The following STXBP5L variants were observed in gnomAD, a reference collection of about 807,000 sequenced individuals.
The protein encoded by STXBP5L is syntaxin binding protein 5L.
STXBP5L carries 65 observed loss-of-function variants against 144.5 expected under a neutral mutation model. The observed-to-expected ratio is 0.45, with a 90% confidence interval of 0.37 to 0.55. The LOEUF (loss-of-function observed/expected upper bound fraction) is 0.55, where lower values mean the gene tolerates loss of function less well. Ranked by LOEUF, STXBP5L falls within the 20% of genes least tolerant of loss-of-function variation. The pLI, the probability that STXBP5L is intolerant of heterozygous loss-of-function variation, is 0.00. For missense variants in STXBP5L, 1,298 were observed against 1,405.5 expected, an observed-to-expected ratio of 0.92 and a Z score of 1.22; for synonymous variants, 505 against 469.6, an observed-to-expected ratio of 1.08 and a Z score of -0.97.
chr3:121,040,982 A>C (rs1280637022), intron 3 of STXBP5L, among the ~76,000 whole-genome samples: 1 of 152,154 alleles, frequency 6.6e-6, no homozygotes, highest in Non-Finnish European at 1.5e-5. Context: ...CAAACAAATG[A>C]TAAGTAAATA....
At chr3:121,048,659 G>GT (rs1947696770) in intron 5 of STXBP5L, among the ~76,000 whole-genome samples, 1 of 148,118 alleles carries the variant, frequency 6.8e-6, no homozygotes, top group African/African-American at 2.5e-5. Context: ...CTTGTAGTGT[G>GT]TTTTCCACTC....
chr3:121,204,179 C>A (rs1446519767), intron 9 of STXBP5L, among the ~76,000 whole-genome samples: 1 of 152,036 alleles, frequency 6.6e-6, no homozygotes, highest in African/African-American at 2.4e-5. Flanking sequence ...GCAGAGGTTG[C>A]AATGAGCCAA....
intron 3 of STXBP5L, among the ~76,000 whole-genome samples, chr3:120,965,981 A>G (rs1280875837): frequency 3.3e-5 from 5 of 149,966 alleles, no homozygotes; most frequent in South Asian, 4.3e-4. Flanking sequence ...GTTTCTTTTC[A>G]CTCTTTTTTT....
chr3:120,948,320 A>G (rs1205015889), intron 2 of STXBP5L, among the ~76,000 whole-genome samples: 1 of 151,578 alleles, frequency 6.6e-6, no homozygotes, highest in Non-Finnish European at 1.5e-5. Flanking sequence ...TTTTTATTGA[A>G]TTTTAAGGGT....
Position 121,409,991 on chromosome 3 carries a change from G to A in STXBP5L, c.2948+2388G>A, listed in dbSNP as rs566866570. Among the ~76,000 whole-genome samples the A allele has an allele frequency of 2.0e-5, 3 of 151,544 alleles. No homozygotes were observed. In the South Asian group the frequency reaches 6.2e-4, roughly 32 times the overall value. Reference sequence around the variant, plus strand: ...TAGGGAAAATATGAGCAGATTTGTAGGTCAAGGGAAAGTAGTAAAGGAGAA... The same window carrying A: ...TAGGGAAAATATGAGCAGATTTGTAAGTCAAGGGAAAGTAGTAAAGGAGAA... On this transcript the variant is annotated intron_variant, in intron 23 of 26. Coordinates refer to ENST00000471454, the MANE Select transcript of STXBP5L (RefSeq NM_001308330.2).
At chr3:121,401,822 C>T (rs2046882434) in intron 22 of STXBP5L, among the ~76,000 whole-genome samples, 1 of 136,822 alleles carries the variant, frequency 7.3e-6, no homozygotes, top group Admixed American at 7.4e-5. Context: ...TGCAGCGCAC[C>T]AGCATGGCAC....
chr3:121,345,564 G>T (rs1379592401), intron 20 of STXBP5L, among the ~76,000 whole-genome samples: 5 of 152,016 alleles, frequency 3.3e-5, no homozygotes. Context: ...TCTAGTTCTA[G>T]ATTCTTGAGG....
At chr3:120,983,119 A>G (rs1559951577) in intron 3 of STXBP5L, among the ~76,000 whole-genome samples, 1 of 152,126 alleles carries the variant, frequency 6.6e-6, no homozygotes, top group East Asian at 1.9e-4. Context: ...CTTGAGGCAT[A>G]TGAAAGTGCC....
intron 20 of STXBP5L, among the ~76,000 whole-genome samples, chr3:121,326,872 A>G (rs1220600701): frequency 6.6e-6 from 1 of 152,142 alleles, no homozygotes; most frequent in Admixed American, 6.5e-5. Flanking sequence ...GCTTAGCCAT[A>G]ACAAAGTAGA....
At chr3:121,076,457 G>C (rs1376012344) in intron 5 of STXBP5L, among the ~76,000 whole-genome samples, 1 of 152,082 alleles carries the variant, frequency 6.6e-6, no homozygotes, top group East Asian at 1.9e-4. Context: ...TCTTTCTGTG[G>C]TTCCTGGTTT....
chr3:121,037,128 T>C lies in STXBP5L; in HGVS notation c.288-4572T>C, dbSNP rs199661216. Among the ~76,000 whole-genome samples, 19 of 152,062 alleles carry C rather than the reference T, an allele frequency of 1.2e-4. No individual in the cohort carries two copies. In the East Asian group the frequency reaches 3.7e-3, roughly 29 times the overall value. On this transcript the variant is annotated intron_variant, in intron 3 of 26. Transcript: ENST00000471454. The stretch of plus-strand genomic sequence containing the variant: ...AATCTTATCTGTAGAGATGGGGGTC[T>C]CACTATGTTGGCCAGGCTTGTCTTG...
At chr3:120,924,100 T>C (rs1176409234) in intron 2 of STXBP5L, among the ~76,000 whole-genome samples, 1 of 152,212 alleles carries the variant, frequency 6.6e-6, no homozygotes, top group Non-Finnish European at 1.5e-5. Context: ...ATTACTATTC[T>C]CATGGACAAG....
At chr3:121,383,308 T>C (rs1201705277) in intron 22 of STXBP5L, among the ~76,000 whole-genome samples, 3 of 151,782 alleles carry the variant, frequency 2.0e-5, no homozygotes, top group African/African-American at 7.3e-5. Flanking sequence ...GCATGGTGTG[T>C]GTGTGCCTGA....
At chr3:121,250,666 G>T in intron 14 of STXBP5L, 57 bp from the exon 15 acceptor site, 1 of 1,400,150 alleles carries the variant, frequency 7.1e-7, no homozygotes, top group Non-Finnish European at 1.0e-6. Context: ...TACATTTGGA[G>T]TGATTATGAT....
chr3:121,359,160 G>A (rs962780780), intron 20 of STXBP5L, among the ~76,000 whole-genome samples: 8 of 152,088 alleles, frequency 5.3e-5, no homozygotes, highest in Non-Finnish European at 1.0e-4. Context: ...TAACTTAAGC[G>A]AGATGATATC....
rs148187240 is a variant in STXBP5L, at chr3:121,373,800, C to G, written c.2177-4916C>G. On this transcript the variant is annotated intron_variant, in intron 20 of 26. Transcript: ENST00000471454. ...GGCACCCATGCATGCCACCCAGTGGCCTGCAGACTGGTCCTACTGGCCTGA... is the reference window on the plus strand; with the variant it reads ...GGCACCCATGCATGCCACCCAGTGGGCTGCAGACTGGTCCTACTGGCCTGA... Among the ~76,000 whole-genome samples, 698 of 152,276 alleles carry G rather than the reference C, an allele frequency of 4.6e-3. 6 individuals are homozygous for G. The highest frequency in any genetic ancestry group is 0.016 in the African/African-American group (660 of 41,542).
At chr3:121,056,166 A>G (rs1199030649) in intron 5 of STXBP5L, among the ~76,000 whole-genome samples, 1 of 152,174 alleles carries the variant, frequency 6.6e-6, no homozygotes. Context: ...ATACGATTTT[A>G]AACCTAAATA....
At chr3:121,100,360 T>G (rs1218390204) in intron 5 of STXBP5L, among the ~76,000 whole-genome samples, 1 of 151,934 alleles carries the variant, frequency 6.6e-6, no homozygotes, top group Non-Finnish European at 1.5e-5. Flanking sequence ...ATAAAACAAG[T>G]CTCAATAAAC....
At position 121,178,139 on chromosome 3, in the gene STXBP5L, A is replaced by G. The variant is rs144997000; in HGVS notation, c.877+20512A>G. 1.9e-3 allele frequency among the ~76,000 whole-genome samples: 293 copies of G among 152,282 alleles called. 2 individuals carry two copies. The highest frequency in any genetic ancestry group is 6.8e-3 in the Middle Eastern group (2 of 294). ...GGTTAAGGAAAAAGGGGATATAAAG[A>G]GTTATTGTTAATGGGTTCAGAGTTT... On this transcript the variant is annotated intron_variant, in intron 9 of 26. Coordinates refer to ENST00000471454, the MANE Select transcript of STXBP5L (RefSeq NM_001308330.2).
Sources: allele counts gnomAD v4.1 joint callset (sites outside exome capture counted in the v4.1 genomes callset), GRCh38; gene constraint gnomAD v4.1.1; transcripts MANE v1.5; gene names NCBI Gene and HGNC (gene_info 2026-07-23, HGNC 2026-07-21).